The following SDK1 variants were observed in gnomAD, a reference collection of about 807,000 sequenced individuals.
SDK1 encodes the protein sidekick cell adhesion molecule 1, also known as protein sidekick-1.
Under a neutral mutation model 245.5 loss-of-function variants are expected in SDK1, and 157 were observed. The observed-to-expected ratio is 0.64, with a 90% CI of 0.56 to 0.73. SDK1 has a LOEUF of 0.73. SDK1 is among the 30% of genes least tolerant of loss of function. The pLI is 0.00. For synonymous variants in SDK1, 1,647 were observed against 1,278.5 expected (o/e 1.29, Z -6.15); for missense variants, 3,583 against 3,002.3 (o/e 1.19, Z -4.52).
intron 1 of SDK1, among the ~76,000 whole-genome samples, chr7:3,525,507 G>T (rs1031234508): frequency 1.3e-5 from 2 of 152,030 alleles, no homozygotes; most frequent in African/African-American, 4.8e-5. Flanking sequence ...AACTGAACTC[G>T]GCATCTCCCA....
At chr7:3,505,612 T>G (rs1025916010) in intron 1 of SDK1, among the ~76,000 whole-genome samples, 2 of 152,216 alleles carry the variant, frequency 1.3e-5, no homozygotes, top group Non-Finnish European at 2.9e-5. Flanking sequence ...AGTATATAGT[T>G]GGCCCTTGAA....
At chr7:3,331,651 G>A (rs1346593731) in intron 1 of SDK1, among the ~76,000 whole-genome samples, 1 of 152,038 alleles carries the variant, frequency 6.6e-6, no homozygotes, top group African/African-American at 2.4e-5. Context: ...TGTGCTTTTG[G>A]TGTCATATCT....
At chr7:3,557,498 G>C (rs757219561) in intron 1 of SDK1, among the ~76,000 whole-genome samples, 1 of 152,188 alleles carries the variant, frequency 6.6e-6, no homozygotes, top group Non-Finnish European at 1.5e-5. Context: ...AATGTTCAGT[G>C]TCTTGATGTG....
chr7:3,626,809 A>C (rs746974637), intron 2 of SDK1, among the ~76,000 whole-genome samples: 1 of 152,170 alleles, frequency 6.6e-6, no homozygotes, highest in Non-Finnish European at 1.5e-5. Flanking sequence ...TTTTTCTTCT[A>C]TAGGAAATCT....
intron 4 of SDK1, among the ~76,000 whole-genome samples, chr7:3,793,020 A>G (rs1778855495): frequency 2.0e-5 from 3 of 152,194 alleles, no homozygotes; most frequent in Admixed American, 6.5e-5. Flanking sequence ...TGATACTGAG[A>G]ATTGTGTAGG....
At chr7:4,250,554 A>C (rs965757475) in intron 44 of SDK1, among the ~76,000 whole-genome samples, 1 of 152,156 alleles carries the variant, frequency 6.6e-6, no homozygotes, top group Non-Finnish European at 1.5e-5. Context: ...CATATTGGCC[A>C]GGCTGGTCTC....
intron 5 of SDK1, among the ~76,000 whole-genome samples, chr7:3,869,528 G>A (rs1041886242): frequency 2.0e-5 from 3 of 152,074 alleles, no homozygotes; most frequent in Admixed American, 2.0e-4. Flanking sequence ...TGGGCTTCGG[G>A]GTCAGCTCCA....
At chr7:3,874,990 C>T (rs1781039911) in intron 5 of SDK1, among the ~76,000 whole-genome samples, 1 of 152,146 alleles carries the variant, frequency 6.6e-6, no homozygotes, top group Non-Finnish European at 1.5e-5. Context: ...GGAGGAAAAT[C>T]CTACTCTAGG....
At chr7:3,968,822 T>A (rs960191350) in intron 10 of SDK1, among the ~76,000 whole-genome samples, 1 of 152,232 alleles carries the variant, frequency 6.6e-6, no homozygotes, top group African/African-American at 2.4e-5. Flanking sequence ...CTTTGTTGTA[T>A]TAGTCCACTC....
At chr7:3,576,905 G>A (rs1387014989) in intron 1 of SDK1, among the ~76,000 whole-genome samples, 7 of 152,042 alleles carry the variant, frequency 4.6e-5, no homozygotes, top group Admixed American at 6.5e-5. Context: ...TAGAGTAGCA[G>A]TTTAGTTTCC....
chr7:3,871,831 A>G (rs1408283107), intron 5 of SDK1, among the ~76,000 whole-genome samples: 2 of 152,204 alleles, frequency 1.3e-5, no homozygotes, highest in East Asian at 1.9e-4. Context: ...GGAGGGGACA[A>G]ATGTCCAGAT....
intron 5 of SDK1, among the ~76,000 whole-genome samples, chr7:3,865,253 C>T (rs115432131): frequency 1.1e-3 from 167 of 152,250 alleles, no homozygotes; most frequent in African/African-American, 3.9e-3. Context: ...TGTGGGAGGC[C>T]TGGTGATCCT....
At chr7:3,417,464 C>G (rs918277181) in intron 1 of SDK1, among the ~76,000 whole-genome samples, 2 of 151,976 alleles carry the variant, frequency 1.3e-5, no homozygotes, top group South Asian at 2.1e-4. Flanking sequence ...TTTTCTCTCT[C>G]TTACTTGCTG....
At chr7:3,464,698 GTA>G (rs141577885) in intron 1 of SDK1, among the ~76,000 whole-genome samples, 32 of 147,998 alleles carry the variant, frequency 2.2e-4, no homozygotes, top group Admixed American at 4.0e-4. Context: ...GTGTATGTAT[GTA>G]TATATATATA....
intron 1 of SDK1, among the ~76,000 whole-genome samples, chr7:3,497,210 G>A (rs1313703197): frequency 6.6e-6 from 1 of 152,142 alleles, no homozygotes; most frequent in African/African-American, 2.4e-5. Flanking sequence ...ACTCAGCGAA[G>A]GCAATGGTTA....
intron 1 of SDK1, among the ~76,000 whole-genome samples, chr7:3,399,897 T>C (rs557828187): frequency 1.3e-5 from 2 of 152,306 alleles, no homozygotes; most frequent in Non-Finnish European, 2.9e-5. Flanking sequence ...GCTGCCCAAC[T>C]GGTATGGCCG....
chr7:4,090,508 G>A (rs1300448335), intron 22 of SDK1, among the ~76,000 whole-genome samples: 2 of 151,966 alleles, frequency 1.3e-5, no homozygotes, highest in Admixed American at 6.6e-5. Context: ...TGCTAATTTT[G>A]ATGCTCAAAC....
At chr7:3,492,244 T>G (rs1182567059) in intron 1 of SDK1, among the ~76,000 whole-genome samples, 1 of 152,182 alleles carries the variant, frequency 6.6e-6, no homozygotes, top group African/African-American at 2.4e-5. Context: ...TAGGGGAGAT[T>G]TGTGAATTTT....
At chr7:3,303,302 G>A (rs1162991891) in intron 1 of SDK1, among the ~76,000 whole-genome samples, 9 of 152,174 alleles carry the variant, frequency 5.9e-5, no homozygotes, top group Admixed American at 3.3e-4. Context: ...CACTTAGGAT[G>A]ACCTTTAAAA....
Sources: allele counts gnomAD v4.1 joint callset (sites outside exome capture counted in the v4.1 genomes callset), GRCh38; gene constraint gnomAD v4.1.1; transcripts MANE v1.5; gene names NCBI Gene and HGNC (gene_info 2026-07-23, HGNC 2026-07-21).